Variants in ANKRD30BL observed in about 807,000 individuals in gnomAD.
The protein encoded by ANKRD30BL is putative ankyrin repeat domain-containing protein 30B-like.
A neutral mutation model predicts 18.4 loss-of-function variants in ANKRD30BL; 20 were observed. The ratio of observed to expected loss-of-function variants is 1.09; its 90% CI spans 0.77 to 1.58. ANKRD30BL has a LOEUF of 1.58. ANKRD30BL is among the 40% of genes most tolerant of loss of function. ANKRD30BL has a pLI of 0.00. For missense variants in ANKRD30BL, 224 were observed against 268.6 expected (o/e 0.83, Z 1.16); for synonymous variants, 72 against 100.9 (o/e 0.71, Z 1.72).
At chr2:132,197,469 T>A (rs530528304) in intron 1 of ANKRD30BL, among the ~76,000 whole-genome samples, 1 of 152,216 alleles carries the variant, frequency 6.6e-6, no homozygotes, top group East Asian at 1.9e-4. Flanking sequence ...AGATTATAAT[T>A]TTTACTTTTC....
chr2:132,206,222 A>C (rs1295827640), intron 1 of ANKRD30BL, among the ~76,000 whole-genome samples: 1 of 152,130 alleles, frequency 6.6e-6, no homozygotes, highest in African/African-American at 2.4e-5. Flanking sequence ...AGAGATGAGA[A>C]GTCAGTACAC....
chr2:132,215,131 G>A (rs1027677272), intron 1 of ANKRD30BL, among the ~76,000 whole-genome samples: 2 of 152,018 alleles, frequency 1.3e-5, no homozygotes, highest in East Asian at 1.9e-4. Context: ...TGCAGAATCT[G>A]CAAGTGGACA....
chr2:132,187,808 G>C (rs547733490), intron 1 of ANKRD30BL, among the ~76,000 whole-genome samples: 1 of 151,282 alleles, frequency 6.6e-6, no homozygotes, highest in Admixed American at 6.6e-5. Context: ...GCACAGGCTG[G>C]AGTGCAATGG....
intron 1 of ANKRD30BL, among the ~76,000 whole-genome samples, chr2:132,186,321 A>G (rs1688559529): frequency 1.3e-5 from 2 of 152,180 alleles, no homozygotes; most frequent in African/African-American, 4.8e-5. Context: ...TTTTTATGTT[A>G]TGTTAGCAGG....
At chr2:132,249,507 A>T (rs1256977537) in intron 1 of ANKRD30BL, among the ~76,000 whole-genome samples, 3 of 152,196 alleles carry the variant, frequency 2.0e-5, no homozygotes, top group Non-Finnish European at 4.4e-5. Context: ...AGTGCTCACA[A>T]ATATCCCTTT....
intron 1 of ANKRD30BL, among the ~76,000 whole-genome samples, chr2:132,190,930 C>A (rs1221803917): frequency 6.6e-6 from 1 of 151,902 alleles, no homozygotes; most frequent in Non-Finnish European, 1.5e-5. Flanking sequence ...TGGATGGAAG[C>A]AAATTAATGT....
At chr2:132,183,022 TATC>T (rs1430131158) in intron 1 of ANKRD30BL, among the ~76,000 whole-genome samples, 1 of 152,084 alleles carries the variant, frequency 6.6e-6, no homozygotes, top group East Asian at 1.9e-4. Flanking sequence ...TGTTGGATAA[TATC>T]ATAAATGATT....
At chr2:132,215,872 T>C (rs901039654) in intron 1 of ANKRD30BL, among the ~76,000 whole-genome samples, 3 of 152,072 alleles carry the variant, frequency 2.0e-5, no homozygotes, top group African/African-American at 7.2e-5. Flanking sequence ...TATCTTCACA[T>C]AATAACTAGA....
intron 1 of ANKRD30BL, among the ~76,000 whole-genome samples, chr2:132,168,323 T>G (rs533261558): frequency 1.5e-3 from 225 of 152,320 alleles, no homozygotes; most frequent in Non-Finnish European, 2.2e-3. Context: ...TCTTGTGAAA[T>G]TTGAAGGGTT....
intron 1 of ANKRD30BL, among the ~76,000 whole-genome samples, chr2:132,173,689 A>G (rs1325357986): frequency 6.6e-6 from 1 of 152,114 alleles, no homozygotes; most frequent in African/African-American, 2.4e-5. Flanking sequence ...TCTTGGAACC[A>G]GCTTTCCGAC....
chr2:132,225,215 A>G (rs1011486781), intron 1 of ANKRD30BL, among the ~76,000 whole-genome samples: 2 of 152,138 alleles, frequency 1.3e-5, no homozygotes, highest in African/African-American at 2.4e-5. Context: ...TTCAGCTCAC[A>G]GAGTTGATCC....
At chr2:132,256,859 C>A in intron 1 of ANKRD30BL, 1 of 425,602 alleles carries the variant, frequency 2.3e-6, no homozygotes, top group Non-Finnish European at 4.7e-6. Context: ...GGCGGTGAGC[C>A]GCTCGGGGAG....
chr2:132,174,906 ACT>A (rs1462689791), intron 1 of ANKRD30BL, among the ~76,000 whole-genome samples: 1 of 152,120 alleles, frequency 6.6e-6, no homozygotes, highest in East Asian at 1.9e-4. Flanking sequence ...TAAACATGTA[ACT>A]CTCTACATTG....
chr2:132,166,490 C>T (rs1470549034), upstream of ANKRD30BL, among the ~76,000 whole-genome samples: 1 of 152,026 alleles, frequency 6.6e-6, no homozygotes, highest in Non-Finnish European at 1.5e-5. Flanking sequence ...TATAAGCGTA[C>T]TCATGTTATC....
chr2:132,248,044 T>C (rs574171078), intron 1 of ANKRD30BL, among the ~76,000 whole-genome samples: 13 of 152,072 alleles, frequency 8.5e-5, no homozygotes, highest in South Asian at 2.1e-4. Context: ...GATCAAGGAA[T>C]GGACATCACA....
chr2:132,249,674 C>G (rs200988030), intron 1 of ANKRD30BL, among the ~76,000 whole-genome samples: 1 of 152,012 alleles, frequency 6.6e-6, no homozygotes, highest in African/African-American at 2.4e-5. Flanking sequence ...CCTCCAAGTG[C>G]TTGCAAATAT....
intron 1 of ANKRD30BL, among the ~76,000 whole-genome samples, chr2:132,194,871 C>T (rs1678932620): frequency 2.0e-5 from 3 of 152,214 alleles, no homozygotes; most frequent in Admixed American, 6.5e-5. Flanking sequence ...TTGGAAAAAA[C>T]AATGCTGCAC....
intron 1 of ANKRD30BL, among the ~76,000 whole-genome samples, chr2:132,238,149 A>T (rs1680212446): frequency 6.6e-6 from 1 of 152,104 alleles, no homozygotes; most frequent in Admixed American, 6.6e-5. Context: ...AAAAGAAGAC[A>T]GAAGAATTCT....
chr2:132,163,780 G>T (rs1688134954), upstream of ANKRD30BL, among the ~76,000 whole-genome samples: 1 of 152,162 alleles, frequency 6.6e-6, no homozygotes, highest in South Asian at 2.1e-4. Context: ...ACAATGCCCA[G>T]CCCCAGGGCC....
Sources: allele counts gnomAD v4.1 joint callset (sites outside exome capture counted in the v4.1 genomes callset), GRCh38; gene constraint gnomAD v4.1.1; transcripts MANE v1.5; gene names NCBI Gene and HGNC (gene_info 2026-07-23, HGNC 2026-07-21).